Variants in SDK1 observed in about 807,000 individuals in gnomAD.
SDK1 encodes the protein protein sidekick-1.
Under a neutral mutation model 245.5 loss-of-function variants are expected in SDK1, and 157 were observed. The ratio of observed to expected loss-of-function variants is 0.64; its 90% CI spans 0.56 to 0.73. The LOEUF is 0.73. Ranked by LOEUF, SDK1 falls within the 30% of genes least tolerant of loss-of-function variation. The pLI, the probability that SDK1 is intolerant of heterozygous loss-of-function variation, is 0.00. For missense variants in SDK1, 3,583 were observed against 3,002.3 expected (o/e 1.19, Z -4.52); for synonymous variants, 1,647 against 1,278.5 (o/e 1.29, Z -6.15).
At chr7:3,608,897 T>C (rs529954191) in intron 1 of SDK1, among the ~76,000 whole-genome samples, 2 of 152,326 alleles carry the variant, frequency 1.3e-5, no homozygotes, top group South Asian at 4.1e-4. Context: ...TCCCCTCCTT[T>C]CCAGCCATGT....
chr7:4,175,865 C>A lies in SDK1; in HGVS notation c.4996+31C>A, dbSNP rs769767337. ...TGCGCTCTCAGCGGGAGGCCCATGC[C>A]GCGAGGCGCACACACTGTGCCCAGA... On this transcript the variant is annotated intron_variant, in intron 34 of 44. Coordinates refer to ENST00000404826, the MANE Select transcript of SDK1 (RefSeq NM_152744.4). 3 of 1,595,386 alleles carry A rather than the reference C, an allele frequency of 1.9e-6. No individual in the cohort carries two copies. The South Asian group carries it at 3.3e-5, about 18-fold the overall frequency.
intron 5 of SDK1, among the ~76,000 whole-genome samples, chr7:3,848,734 C>G (rs886928457): frequency 1.3e-5 from 2 of 151,684 alleles, no homozygotes; most frequent in African/African-American, 2.4e-5. Context: ...TGCAGTGGCG[C>G]GATCACGGCT....
At chr7:3,426,633 G>T (rs904670095) in intron 1 of SDK1, among the ~76,000 whole-genome samples, 1 of 152,210 alleles carries the variant, frequency 6.6e-6, no homozygotes, top group South Asian at 2.1e-4. Context: ...ATCAACATCT[G>T]TCTCCAGTTA....
At chr7:3,554,946 AT>A (rs1372417219) in intron 1 of SDK1, among the ~76,000 whole-genome samples, 2 of 152,228 alleles carry the variant, frequency 1.3e-5, no homozygotes, top group Non-Finnish European at 2.9e-5. Context: ...ACGCAAAAAA[AT>A]GGAAAGATAT....
chr7:4,222,855 T>C (rs558410429), intron 40 of SDK1, among the ~76,000 whole-genome samples: 27 of 152,226 alleles, frequency 1.8e-4, no homozygotes, highest in African/African-American at 6.5e-4. Context: ...GCTGGCCCTT[T>C]GCTAATGACT....
chr7:4,135,371 C>T (rs1045892573), intron 28 of SDK1, among the ~76,000 whole-genome samples: 1 of 152,136 alleles, frequency 6.6e-6, no homozygotes, highest in East Asian at 1.9e-4. Flanking sequence ...CACACTGCAC[C>T]CCAGACGCTC....
intron 1 of SDK1, among the ~76,000 whole-genome samples, chr7:3,311,236 T>A (rs1343238564): frequency 6.6e-6 from 1 of 152,056 alleles, no homozygotes; most frequent in Non-Finnish European, 1.5e-5. Flanking sequence ...GTTATGATAA[T>A]ATAGAAATAA....
At chr7:3,513,707 A>T (rs1316006152) in intron 1 of SDK1, among the ~76,000 whole-genome samples, 1 of 152,014 alleles carries the variant, frequency 6.6e-6, no homozygotes, top group African/African-American at 2.4e-5. Context: ...CGTGATCCTG[A>T]GGTTTAGGGT....
At chr7:3,672,663 T>G (rs1783741605) in intron 4 of SDK1, among the ~76,000 whole-genome samples, 2 of 137,978 alleles carry the variant, frequency 1.4e-5, no homozygotes, top group South Asian at 4.3e-4. Flanking sequence ...AATATTAAAT[T>G]TATATATAAA....
In SDK1 at chr7:3,793,130, T is replaced by C. The variant is rs567569059; in HGVS notation, c.714-28320T>C. Among the ~76,000 whole-genome samples the C allele has an allele frequency of 7.2e-5, 11 of 152,314 alleles. No homozygotes were observed. In the South Asian group the frequency reaches 2.3e-3, roughly 32 times the overall value. On this transcript the variant is annotated intron_variant, in intron 4 of 44. Transcript: ENST00000404826. ...GAGTGATGTGCTGTTATGAAAAATA[T>C]CTACCCAAATGTCCCTTTAAAAAGT...
intron 19 of SDK1, among the ~76,000 whole-genome samples, chr7:4,066,939 T>G (rs566871914): frequency 6.6e-6 from 1 of 152,294 alleles, no homozygotes; most frequent in South Asian, 2.1e-4. Flanking sequence ...GACTCTCAGG[T>G]CTTTTCTCTG....
intron 5 of SDK1, among the ~76,000 whole-genome samples, chr7:3,873,922 A>G (rs537346010): frequency 1.3e-5 from 2 of 152,280 alleles, no homozygotes; most frequent in African/African-American, 4.8e-5. Context: ...TAGGTCCAAG[A>G]TACATGTCAT....
rs3086084 is a variant in SDK1 at position 3,625,942 on chromosome 7, C to CTT, written c.458+6719_458+6720dup. Among the ~76,000 whole-genome samples the CTT allele has an allele frequency of 3.6e-3, 472 of 129,730 alleles. 14 individuals carry two copies. The highest frequency in any genetic ancestry group is 0.02 in the East Asian group (93 of 4,554). The allele number at this position is 129,730 out of a possible 152,430, so 85.1% of individuals were successfully genotyped here. On this transcript the variant is annotated intron_variant, in intron 2 of 44. Coordinates refer to ENST00000404826, the MANE Select transcript of SDK1 (RefSeq NM_152744.4). ...GGATTTTTCTTTCTTTCTTTTCTTT[C>CTT]TTTTTTTTTTTTTTTTTGAGGGAGA...
At chr7:3,367,035 C>T (rs893370212) in intron 1 of SDK1, among the ~76,000 whole-genome samples, 6 of 152,232 alleles carry the variant, frequency 3.9e-5, no homozygotes, top group East Asian at 1.9e-4. Flanking sequence ...CTACCGCGCC[C>T]GGCCTATTGT....
intron 44 of SDK1, among the ~76,000 whole-genome samples, chr7:4,259,991 C>T (rs971631757): frequency 3.9e-5 from 6 of 152,208 alleles, no homozygotes; most frequent in South Asian, 2.1e-4. Flanking sequence ...AGATCATGCC[C>T]GGGCATTAAT....
intron 38 of SDK1, among the ~76,000 whole-genome samples, chr7:4,216,785 G>A (rs1163908589): frequency 5.9e-5 from 9 of 152,136 alleles, no homozygotes; most frequent in African/African-American, 2.2e-4. Flanking sequence ...TTGACCAGTC[G>A]GGCCAAGGCA....
At chr7:4,189,784 C>T (rs981990595) in intron 35 of SDK1, among the ~76,000 whole-genome samples, 3 of 152,160 alleles carry the variant, frequency 2.0e-5, no homozygotes, top group Non-Finnish European at 2.9e-5. Context: ...AGTGAGACTC[C>T]GTCTCAAAAA....
intron 1 of SDK1, among the ~76,000 whole-genome samples, chr7:3,576,132 T>C (rs1780282070): frequency 6.6e-6 from 1 of 152,168 alleles, no homozygotes; most frequent in African/African-American, 2.4e-5. Context: ...TATTTCCAGC[T>C]GTCATCAGAA....
rs1056612495 is a variant in SDK1, at chr7:4,028,301, T to C, written c.2602+10949T>C. 3.3e-5 allele frequency among the ~76,000 whole-genome samples: 5 copies of C among 152,194 alleles called. No individual in the cohort carries two copies. In the South Asian group the frequency reaches 8.3e-4, roughly 25 times the overall value. On this transcript the variant is annotated intron_variant, in intron 17 of 44. Coordinates refer to ENST00000404826, the MANE Select transcript of SDK1 (RefSeq NM_152744.4). ...ATGTAATACCAAGGACTAATAACCA[T>C]GAGCCCCACCAGCTGTCATAGCAGA...
Sources: gnomAD v4.1 joint callset for allele counts (sites outside exome capture counted in the v4.1 genomes callset) on GRCh38, gnomAD v4.1.1 for gene constraint, MANE v1.5 for transcripts, NCBI Gene and HGNC (gene_info 2026-07-23, HGNC 2026-07-21) for gene names.